Variants in SCFD2 observed in about 807,000 individuals in gnomAD.
SCFD2 encodes sec1 family domain containing 2.
In SCFD2, 54 loss-of-function variants were observed where a neutral mutation model predicts 58.9. That is an observed-to-expected ratio of 0.92 (90% CI 0.74 to 1.15). The LOEUF (loss-of-function observed/expected upper bound fraction) is 1.15. Among genes scored for constraint, SCFD2 ranks in the 50% most tolerant of loss-of-function variants. SCFD2 has a pLI of 0.00. For missense variants in SCFD2, 805 were observed against 836.6 expected (o/e 0.96, Z 0.47); for synonymous variants, 321 against 335.9 (o/e 0.96, Z 0.49).
intron 2 of SCFD2, among the ~76,000 whole-genome samples, chr4:53,322,751 C>G (rs923407128): frequency 6.6e-6 from 1 of 152,212 alleles, no homozygotes; most frequent in Non-Finnish European, 1.5e-5. Flanking sequence ...TTTTCTGACT[C>G]TAAAGGATAT....
intron 5 of SCFD2, among the ~76,000 whole-genome samples, chr4:53,122,365 A>G (rs1321060500): frequency 1.3e-5 from 2 of 151,828 alleles, no homozygotes; most frequent in Non-Finnish European, 2.9e-5. Context: ...TGACAGAGCG[A>G]GACTCCGTCT....
intron 1 of SCFD2, among the ~76,000 whole-genome samples, chr4:53,358,449 A>T (rs1734459463): frequency 6.6e-6 from 1 of 151,710 alleles, no homozygotes; most frequent in African/African-American, 2.4e-5. Context: ...GCTACTTGGG[A>T]GGCTGAGGCA....
chr4:53,127,670 A>G (rs996003096), intron 5 of SCFD2, among the ~76,000 whole-genome samples: 2 of 152,210 alleles, frequency 1.3e-5, no homozygotes, highest in African/African-American at 4.8e-5. Context: ...TCAGTTGCAG[A>G]GAACTGCTCT....
intron 4 of SCFD2, among the ~76,000 whole-genome samples, chr4:53,234,389 T>C (rs1729531862): frequency 6.6e-6 from 1 of 152,208 alleles, no homozygotes; most frequent in Non-Finnish European, 1.5e-5. Context: ...TTTATATTTC[T>C]TGGAAGTAGT....
chr4:53,303,163 C>T (rs1299397145), intron 3 of SCFD2, among the ~76,000 whole-genome samples: 2 of 152,170 alleles, frequency 1.3e-5, no homozygotes, highest in East Asian at 3.8e-4. Context: ...AGTGAACAGG[C>T]AACCTACAGA....
chr4:53,246,058 A>C (rs1189825188), intron 4 of SCFD2, among the ~76,000 whole-genome samples: 1 of 152,182 alleles, frequency 6.6e-6, no homozygotes, highest in Non-Finnish European at 1.5e-5. Context: ...ACAATAGCCA[A>C]GCGGAGAGCC....
chr4:53,080,247 G>A (rs894011565), intron 5 of SCFD2, among the ~76,000 whole-genome samples: 1 of 152,000 alleles, frequency 6.6e-6, no homozygotes, highest in African/African-American at 2.4e-5. Flanking sequence ...TGTGTTTAGG[G>A]GTAAAATGAA....
At chr4:53,199,514 T>A (rs1464296786) in intron 4 of SCFD2, among the ~76,000 whole-genome samples, 1 of 152,150 alleles carries the variant, frequency 6.6e-6, no homozygotes. Flanking sequence ...CTCTTTTTGA[T>A]TCATAACTAG....
intron 5 of SCFD2, among the ~76,000 whole-genome samples, chr4:52,988,682 T>C (rs1721553159): frequency 1.3e-5 from 2 of 152,220 alleles, no homozygotes; most frequent in South Asian, 4.1e-4. Flanking sequence ...TAGTACTTCA[T>C]GAGGCTGCAG....
At chr4:52,884,504 G>A (rs1256576522) in intron 8 of SCFD2, among the ~76,000 whole-genome samples, 1 of 152,164 alleles carries the variant, frequency 6.6e-6, no homozygotes, top group East Asian at 1.9e-4. Flanking sequence ...GCCACCAGTG[G>A]ACCGCGCCCA....
Position 53,145,475 on chromosome 4 carries a change from G to C in SCFD2, c.1419C>G (p.Ile473Met). The change falls in exon 5 of 9, where the codon ATC becomes ATG. Residue 473 changes from isoleucine (I) to methionine (M), a missense_variant. Physicochemically the swap from Ile to Met is conservative, Grantham distance 10. This residue lies in a region of SCFD2 where 633 missense variants were observed against 646.8 expected (regional missense o/e 0.98). Coordinates refer to ENST00000401642, the MANE Select transcript of SCFD2 (RefSeq NM_152540.4). ...TGACAGAATAAATATATATGAGAAG[G>C]ATCAGCAGTTCCTCAGGGCTGTAGT... is the stretch of plus-strand genomic sequence containing the variant. Reference protein sequence around the residue: ...NEDYSPEELLILLIYIYSVTG... With the variant: ...NEDYSPEELLMLLIYIYSVTG... The C allele has an allele frequency of 1.9e-6, 3 of 1,613,800 alleles. No individual in the cohort carries two copies. The highest frequency in any genetic ancestry group is 2.5e-6 in the Non-Finnish European group (3 of 1,179,732).
chr4:53,210,089 T>C (rs1191644938), intron 4 of SCFD2, among the ~76,000 whole-genome samples: 3 of 152,132 alleles, frequency 2.0e-5, no homozygotes. Flanking sequence ...TCATTCTCAA[T>C]GAATCCTTTT....
At chr4:52,991,667 C>G (rs1293286264) in intron 5 of SCFD2, among the ~76,000 whole-genome samples, 1 of 152,166 alleles carries the variant, frequency 6.6e-6, no homozygotes, top group Non-Finnish European at 1.5e-5. Flanking sequence ...CTTGACATTG[C>G]TCCACCCAAC....
At chr4:52,900,517 A>C (rs1719161131) in intron 7 of SCFD2, among the ~76,000 whole-genome samples, 1 of 152,180 alleles carries the variant, frequency 6.6e-6, no homozygotes, top group South Asian at 2.1e-4. Context: ...GTCTCAGAGG[A>C]GTACCCGGCC....
At chr4:53,348,764 G>C (rs539997873) in intron 2 of SCFD2, among the ~76,000 whole-genome samples, 1 of 151,128 alleles carries the variant, frequency 6.6e-6, no homozygotes, top group South Asian at 2.1e-4. Flanking sequence ...GCCCAGGCTG[G>C]AGTGCCATGG....
chr4:53,242,429 C>A (rs1443856026), intron 4 of SCFD2, among the ~76,000 whole-genome samples: 1 of 150,532 alleles, frequency 6.6e-6, no homozygotes, highest in Non-Finnish European at 1.5e-5. Context: ...CACATTATAC[C>A]AAAAATAAAC....
intron 4 of SCFD2, among the ~76,000 whole-genome samples, chr4:53,230,736 C>T (rs1209134200): frequency 6.6e-6 from 1 of 151,588 alleles, no homozygotes. Context: ...CAAACCTGCA[C>T]GTTGTGCACA....
At chr4:53,331,123 T>C (rs1733445112) in intron 2 of SCFD2, among the ~76,000 whole-genome samples, 1 of 150,850 alleles carries the variant, frequency 6.6e-6, no homozygotes, top group African/African-American at 2.4e-5. Flanking sequence ...ACAAAGAGAC[T>C]TAGACTCCCA....
chr4:53,066,589 T>G (rs1459410688), intron 5 of SCFD2, among the ~76,000 whole-genome samples: 5 of 152,096 alleles, frequency 3.3e-5, no homozygotes, highest in Non-Finnish European at 5.9e-5. Flanking sequence ...TCCTATGAGG[T>G]GTTTGGGAGT....
Sources: allele counts gnomAD v4.1 joint callset (sites outside exome capture counted in the v4.1 genomes callset), GRCh38; gene constraint gnomAD v4.1.1; regional missense constraint gnomAD v4.1.1; transcripts MANE v1.5; gene names NCBI Gene and HGNC (gene_info 2026-07-23, HGNC 2026-07-21).